CDK17: variants seen among roughly 807,000 people sequenced by gnomAD.
CDK17 encodes the protein cyclin dependent kinase 17.
In CDK17, 24 loss-of-function variants were observed where a neutral mutation model predicts 77.6. The ratio of observed to expected loss-of-function variants is 0.31; its 90% CI spans 0.22 to 0.44. The LOEUF (loss-of-function observed/expected upper bound fraction) is 0.44. Ranked by LOEUF, CDK17 falls within the 20% of genes least tolerant of loss-of-function variation. The pLI, the probability that CDK17 is intolerant of heterozygous loss-of-function variation, is 1.00. For missense variants in CDK17, 429 were observed against 622.5 expected, an observed-to-expected ratio of 0.69 and a Z score of 3.31; for synonymous variants, 203 against 210.4, an observed-to-expected ratio of 0.96 and a Z score of 0.30.
intron 1 of CDK17, among the ~76,000 whole-genome samples, chr12:96,344,142 C>T (rs1187086114): frequency 6.6e-6 from 1 of 151,992 alleles, no homozygotes; most frequent in Non-Finnish European, 1.5e-5. Context: ...TTAAAATTAT[C>T]CAGTCTTAGG....
intron 5 of CDK17, among the ~76,000 whole-genome samples, chr12:96,300,710 TA>T (rs756580771): frequency 5.9e-5 from 9 of 152,246 alleles, no homozygotes; most frequent in Non-Finnish European, 1.0e-4. Flanking sequence ...TATATATTCT[TA>T]AAGTTTCAAT....
intron 5 of CDK17, among the ~76,000 whole-genome samples, chr12:96,307,515 G>A (rs765133721): frequency 2.6e-5 from 4 of 152,098 alleles, no homozygotes. Context: ...ACCAATCTTT[G>A]ATAAAAACTG....
intron 1 of CDK17, among the ~76,000 whole-genome samples, chr12:96,355,197 C>T (rs1953374659): frequency 6.6e-6 from 1 of 151,802 alleles, no homozygotes; most frequent in Non-Finnish European, 1.5e-5. Flanking sequence ...TCTTTTTTTG[C>T]ACTTGCCCTT....
chr12:96,280,562 T>C (rs1376957141), intron 16 of CDK17: 1 of 1,413,808 alleles, frequency 7.1e-7, no homozygotes, highest in Non-Finnish European at 9.2e-7. Flanking sequence ...TTGTAAAAGG[T>C]CTTTGTGCCA....
intron 3 of CDK17, among the ~76,000 whole-genome samples, chr12:96,316,713 G>A (rs1952728147): frequency 1.6e-5 from 2 of 125,442 alleles, no homozygotes; most frequent in African/African-American, 6.0e-5. Flanking sequence ...ACCTCACACG[G>A]CAGGGTATTC....
At chr12:96,326,695 T>C (rs968187466) in intron 2 of CDK17, among the ~76,000 whole-genome samples, 13 of 152,184 alleles carry the variant, frequency 8.5e-5, no homozygotes, top group Admixed American at 2.6e-4. Context: ...AAAATATGTG[T>C]TTCTAACAAA....
In CDK17 at chr12:96,286,059, T is replaced by C. The variant is rs1952241982; in HGVS notation, c.1306A>G (p.Ile436Val). 1.9e-6 allele frequency: 3 copies of C among 1,566,710 alleles called. No individual in the cohort carries two copies. The highest frequency in any genetic ancestry group is 2.6e-6 in the Non-Finnish European group (3 of 1,147,528). ...NFPKYKPQPL[I>V]NHAPRLDSEG... ...AAAAAATACCTGGGTGCGTGGTTAA[T>C]TAGAGGCTGTGGTTTATATTTTGGA... Residue 436 changes from isoleucine to valine, a missense_variant, in exon 13 of 17, where the codon ATT becomes GTT. This residue lies in a region of CDK17 where 115 missense variants were observed against 124.2 expected (regional missense o/e 0.93). Coordinates refer to ENST00000261211, the MANE Select transcript of CDK17 (RefSeq NM_002595.5).
chr12:96,329,086 T>A (rs1018689079), intron 2 of CDK17, among the ~76,000 whole-genome samples: 22 of 152,146 alleles, frequency 1.4e-4, no homozygotes, highest in Admixed American at 3.9e-4. Context: ...ATGAGGTACC[T>A]AGAATAGGCA....
chr12:96,354,304 T>TCTA (rs1953362136), intron 1 of CDK17, among the ~76,000 whole-genome samples: 2 of 152,196 alleles, frequency 1.3e-5, no homozygotes, highest in East Asian at 3.8e-4. Context: ...GCAACTCTCT[T>TCTA]ACCTGCTAAC....
intron 3 of CDK17, among the ~76,000 whole-genome samples, chr12:96,320,051 C>T (rs553052488): frequency 6.6e-5 from 10 of 152,110 alleles, no homozygotes; most frequent in South Asian, 2.1e-4. Context: ...AAAACCCCAT[C>T]GTCTCAGCCC....
rs142631244 is a variant in CDK17, at chr12:96,391,418, T to C, written c.-30+8568A>G. 7.1e-3 allele frequency among the ~76,000 whole-genome samples: 1,071 copies of C among 151,650 alleles called. 13 individuals carry two copies. Among genetic ancestry groups the C allele is most frequent in the African/African-American group, 0.024 (989 of 41,310 alleles). The stretch of plus-strand genomic sequence containing the variant: ...AATTCTCATGCCTCAGCCTCCCAGG[T>C]AGCTGGAATTACAGGCCTGAGCCAC... On this transcript the variant is annotated intron_variant, in intron 1 of 16. Coordinates refer to ENST00000261211, the MANE Select transcript of CDK17 (RefSeq NM_002595.5).
intron 13 of CDK17, among the ~76,000 whole-genome samples, chr12:96,285,410 C>T (rs992042973): frequency 4.6e-5 from 7 of 151,836 alleles, no homozygotes; most frequent in Admixed American, 2.0e-4. Flanking sequence ...TAAATGATGT[C>T]CTTATTTGGT....
At chr12:96,366,701 G>A (rs907935217) in intron 1 of CDK17, among the ~76,000 whole-genome samples, 2 of 152,122 alleles carry the variant, frequency 1.3e-5, no homozygotes, top group African/African-American at 4.8e-5. Flanking sequence ...ACAATCAGAG[G>A]TAGTAAATAT....
chr12:96,304,842 G>C (rs1330584772), intron 5 of CDK17, among the ~76,000 whole-genome samples: 1 of 148,126 alleles, frequency 6.8e-6, no homozygotes. Flanking sequence ...ATTGCTGAGA[G>C]ATGTAAGGAC....
At chr12:96,286,887 A>G in intron 11 of CDK17, 126 bp from the exon 12 acceptor site, 1 of 645,272 alleles carries the variant, frequency 1.5e-6, no homozygotes, top group South Asian at 1.9e-5. Context: ...TCTTGAAGGG[A>G]TATTTTAGAT....
chr12:96,313,566 G>A (rs929223216), intron 3 of CDK17, 112 bp from the exon 4 acceptor site: 23 of 546,260 alleles, frequency 4.2e-5, no homozygotes, highest in Non-Finnish European at 5.2e-5. Context: ...AGCATAAAAA[G>A]TCATTTACAT....
intron 1 of CDK17, among the ~76,000 whole-genome samples, chr12:96,370,909 T>C (rs1293346127): frequency 3.3e-5 from 5 of 152,086 alleles, no homozygotes; most frequent in Non-Finnish European, 5.9e-5. Context: ...CGTTTAAGAG[T>C]ATAAACAGGT....
At chr12:96,369,441 T>C (rs1291831448) in intron 1 of CDK17, among the ~76,000 whole-genome samples, 3 of 152,214 alleles carry the variant, frequency 2.0e-5, no homozygotes, top group African/African-American at 7.2e-5. Flanking sequence ...TTATTAATAA[T>C]GTCATAGATA....
chr12:96,316,938 C>T (rs373530696), intron 3 of CDK17, among the ~76,000 whole-genome samples: 14 of 150,258 alleles, frequency 9.3e-5, no homozygotes, highest in South Asian at 8.6e-4. Context: ...TCACCAGCAA[C>T]GGAACAAAGC....
Sources: gnomAD v4.1 joint callset for allele counts (sites outside exome capture counted in the v4.1 genomes callset) on GRCh38, gnomAD v4.1.1 for gene constraint, gnomAD v4.1.1 regional missense constraint, MANE v1.5 for transcripts, NCBI Gene and HGNC (gene_info 2026-07-23, HGNC 2026-07-21) for gene names.